The following ASAP1 variants were observed in gnomAD, a reference collection of about 807,000 sequenced individuals.
The protein encoded by ASAP1 is ArfGAP with SH3 domain, ankyrin repeat and PH domain 1, also known as arf-GAP with SH3 domain, ANK repeat and PH domain-containing protein 1.
ASAP1 carries 43 observed loss-of-function variants against 145.2 expected under a neutral mutation model. That is an observed-to-expected ratio of 0.30 (90% CI 0.23 to 0.38). The LOEUF is 0.38. Ranked by LOEUF, ASAP1 falls within the 10% of genes least tolerant of loss-of-function variation. The pLI, the probability that ASAP1 is intolerant of heterozygous loss-of-function variation, is 1.00. For missense variants in ASAP1, 1,018 were observed against 1,355.3 expected, an observed-to-expected ratio of 0.75 and a Z score of 3.91; for synonymous variants, 546 against 515.5, an observed-to-expected ratio of 1.06 and a Z score of -0.80.
chr8:130,272,672 C>T (rs1820657538), intron 3 of ASAP1, among the ~76,000 whole-genome samples: 1 of 152,102 alleles, frequency 6.6e-6, no homozygotes, highest in Non-Finnish European at 1.5e-5. Context: ...TTGACCATAA[C>T]AAACAATAAA....
rs1565193652 is a variant in ASAP1 at position 130,308,541 on chromosome 8, T to C, written c.186+49476A>G. 2.6e-5 allele frequency among the ~76,000 whole-genome samples: 4 copies of C among 152,220 alleles called. 1 individual carries two copies. Among genetic ancestry groups the C allele is most frequent in the Admixed American group, 2.6e-4 (4 of 15,284 alleles). On this transcript the variant is annotated intron_variant, in intron 3 of 29. Coordinates refer to ENST00000518721, the MANE Select transcript of ASAP1 (RefSeq NM_018482.4). ...AAGATCTTTTGATAAAACAATAGTTTATAGTCAAATTAACATTAGCATCAA... is the reference window on the plus strand; with the variant it reads ...AAGATCTTTTGATAAAACAATAGTTCATAGTCAAATTAACATTAGCATCAA...
chr8:130,162,641 AC>A (rs1338058428), intron 11 of ASAP1, among the ~76,000 whole-genome samples: 1 of 151,488 alleles, frequency 6.6e-6, no homozygotes, highest in Non-Finnish European at 1.5e-5. Flanking sequence ...ACACGGTGAA[AC>A]CCCGTCTCTA....
At chr8:130,346,010 T>C (rs763713508) in intron 3 of ASAP1, among the ~76,000 whole-genome samples, 31 of 152,224 alleles carry the variant, frequency 2.0e-4, no homozygotes, top group Non-Finnish European at 4.6e-4. Context: ...GGTAGGCATA[T>C]ATATAAAGCC....
chr8:130,087,078 G>A (rs190254738), intron 25 of ASAP1, among the ~76,000 whole-genome samples: 4 of 152,204 alleles, frequency 2.6e-5, no homozygotes, highest in East Asian at 1.9e-4. Flanking sequence ...GGGACTGGGC[G>A]GGGCTAATCA....
At chr8:130,401,442 G>A (rs34542318) in intron 2 of ASAP1, among the ~76,000 whole-genome samples, 49,150 of 151,582 alleles carry the variant, frequency 0.32, 8,745 homozygotes, top group African/African-American at 0.46. Context: ...ACAAGGTTTC[G>A]CCATGTTGGT....
intron 4 of ASAP1, among the ~76,000 whole-genome samples, chr8:130,224,812 G>A (rs181354225): frequency 5.3e-5 from 8 of 152,110 alleles, no homozygotes; most frequent in Non-Finnish European, 1.0e-4. Flanking sequence ...GCTCTTACAC[G>A]CTGTTACTTT....
chr8:130,261,546 C>A (rs969468014), intron 3 of ASAP1, among the ~76,000 whole-genome samples: 1 of 152,058 alleles, frequency 6.6e-6, no homozygotes, highest in African/African-American at 2.4e-5. Context: ...TTAGGGAAAC[C>A]CAGGGCATCT....
At chr8:130,284,654 T>C (rs569471393) in intron 3 of ASAP1, among the ~76,000 whole-genome samples, 12 of 152,108 alleles carry the variant, frequency 7.9e-5, no homozygotes, top group African/African-American at 2.7e-4. Context: ...CAGACTGTGA[T>C]GTAGGATGCA....
chr8:130,293,860 T>G (rs1189044062), intron 3 of ASAP1, among the ~76,000 whole-genome samples: 3 of 152,150 alleles, frequency 2.0e-5, no homozygotes, highest in Non-Finnish European at 2.9e-5. Flanking sequence ...TCACCAACAT[T>G]TACTGAATGT....
chr8:130,423,886 A>T (rs1053276010), intron 1 of ASAP1, among the ~76,000 whole-genome samples: 2 of 152,116 alleles, frequency 1.3e-5, no homozygotes, highest in East Asian at 3.9e-4. Context: ...TTTAAAGGTT[A>T]TCTAGGGCTG....
At chr8:130,074,611 G>A (rs2097458149) in intron 27 of ASAP1, among the ~76,000 whole-genome samples, 1 of 152,150 alleles carries the variant, frequency 6.6e-6, no homozygotes, top group South Asian at 2.1e-4. Flanking sequence ...AAAAGATGGA[G>A]GGACACCTGC....
At position 130,091,986 on chromosome 8, in the gene ASAP1, G is replaced by A. The variant is rs2097506519; in HGVS notation, c.2559C>T (p.Gly853=). 11 of 1,557,988 alleles carry A rather than the reference G, an allele frequency of 7.1e-6. No homozygotes were observed. The highest frequency in any genetic ancestry group is 9.5e-6 in the Non-Finnish European group (11 of 1,158,544). Residue 853 remains glycine, a synonymous_variant, in exon 25 of 30, where the codon GGC becomes GGT. Transcript: ENST00000518721. ...SPLPHGPPNK[G]AVPWGNDGGP... ...AGGATAACTTACCCCAAGGAACTGCGCCTTTGTTTGGGGGCCCATGAGGTA... is the reference window on the plus strand; with the variant it reads ...AGGATAACTTACCCCAAGGAACTGCACCTTTGTTTGGGGGCCCATGAGGTA...
chr8:130,087,920 C>T (rs910027660), intron 25 of ASAP1, among the ~76,000 whole-genome samples: 1 of 152,070 alleles, frequency 6.6e-6, no homozygotes, highest in Non-Finnish European at 1.5e-5. Context: ...ATGGCCAAGA[C>T]AGGGGTTTGA....
intron 13 of ASAP1, among the ~76,000 whole-genome samples, chr8:130,150,252 T>C (rs180752138): frequency 6.6e-6 from 1 of 152,338 alleles, no homozygotes; most frequent in Non-Finnish European, 1.5e-5. Flanking sequence ...GACTTGTTAA[T>C]TCAAGCCTTA....
chr8:130,332,905 C>T (rs1824787799), intron 3 of ASAP1, among the ~76,000 whole-genome samples: 1 of 146,756 alleles, frequency 6.8e-6, no homozygotes, highest in African/African-American at 2.5e-5. Flanking sequence ...TCTATAACAG[C>T]TAAAAAAGAA....
chr8:130,180,149 A>C (rs1814257058), intron 8 of ASAP1, among the ~76,000 whole-genome samples: 1 of 152,090 alleles, frequency 6.6e-6, no homozygotes, highest in Non-Finnish European at 1.5e-5. Context: ...GGAGAAAAAA[A>C]TCTAGGGAAG....
rs767754863 is a variant in ASAP1, at chr8:130,115,784, T to A, written c.2065-49A>T. 1.5e-5 allele frequency: 19 copies of A among 1,297,982 alleles called. 1 individual carries two copies. Among genetic ancestry groups the A allele is most frequent in the East Asian group, 7.0e-5 (3 of 43,028 alleles). The allele number at this position is 1,297,982 out of a possible 1,614,324, so 80.4% of individuals were successfully genotyped here. On this transcript the variant is annotated intron_variant, in intron 22 of 29. Coordinates refer to ENST00000518721, the MANE Select transcript of ASAP1 (RefSeq NM_018482.4). ...CCATTTTAATTTAAATGCTGAAACA[T>A]CCCAATATTATACAAACACTGAGCA...
intron 3 of ASAP1, among the ~76,000 whole-genome samples, chr8:130,284,431 A>G (rs1821466880): frequency 6.6e-6 from 1 of 152,162 alleles, no homozygotes; most frequent in South Asian, 2.1e-4. Flanking sequence ...CGGGAGTCAA[A>G]TTGTAGTAAC....
At chr8:130,148,315 G>C (rs142116281) in intron 13 of ASAP1, among the ~76,000 whole-genome samples, 1 of 152,358 alleles carries the variant, frequency 6.6e-6, no homozygotes, top group African/African-American at 2.4e-5. Context: ...CTGAGCATGG[G>C]ATTTAACCTC....
Sources: allele counts gnomAD v4.1 joint callset (sites outside exome capture counted in the v4.1 genomes callset), GRCh38; gene constraint gnomAD v4.1.1; transcripts MANE v1.5; gene names NCBI Gene and HGNC (gene_info 2026-07-23, HGNC 2026-07-21).